Variants in ATP7A observed in about 807,000 individuals in gnomAD.
ATP7A encodes ATPase copper transporting alpha.
ATP7A carries 7 observed loss-of-function variants against 83.5 expected under a neutral mutation model. The ratio of observed to expected loss-of-function variants is 0.08; its 90% CI spans 0.05 to 0.16. The LOEUF is 0.16. Among genes scored for constraint, ATP7A ranks in the 10% least tolerant of loss-of-function variants. The probability of loss-of-function intolerance (pLI) is 1.00; values close to 1 mark genes in which losing one functional copy is unlikely to be tolerated. For missense variants in ATP7A, 940 were observed against 1,120.8 expected (o/e 0.84, Z 2.30); for synonymous variants, 354 against 395.2 (o/e 0.90, Z 1.24).
At chrX:77,980,791 C>T (rs1557230827) in intron 2 of ATP7A, among the ~76,000 whole-genome samples, 2 of 111,466 alleles carry the variant, frequency 1.8e-5, no homozygotes, top group African/African-American at 6.5e-5. Context: ...GCCTCAGCCT[C>T]CTGAGTAGCT....
chrX:77,998,788 C>T, intron 5 of ATP7A, 104 bp downstream of exon 5: 1 of 904,042 alleles, frequency 1.1e-6, no homozygotes, highest in Non-Finnish European at 1.6e-6. Flanking sequence ...TTGGTAAGGC[C>T]TCATAAAGAT....
intron 6 of ATP7A, 98 bp downstream of exon 6, chrX:78,003,334 A>G: frequency 1.2e-6 from 1 of 849,159 alleles, no homozygotes; most frequent in Non-Finnish European, 1.7e-6. Flanking sequence ...TGGGGAAAAT[A>G]TTATGAAAAT....
At chrX:78,032,712 T>G (rs1194386504) in intron 16 of ATP7A, among the ~76,000 whole-genome samples, 1 of 111,750 alleles carries the variant, frequency 8.9e-6, no homozygotes, top group Non-Finnish European at 1.9e-5. Context: ...TTGTCTCACA[T>G]TAATTTTACA....
At chrX:78,027,407 A>T in intron 14 of ATP7A, among the ~76,000 whole-genome samples, 1 of 112,011 alleles carries the variant, frequency 8.9e-6, no homozygotes, top group East Asian at 2.8e-4. Context: ...GAGGTGAAAG[A>T]TCTCTACAGA....
intron 4 of ATP7A, among the ~76,000 whole-genome samples, 198 bp downstream of exon 4, chrX:77,990,156 G>T (rs2149083558): frequency 9.0e-6 from 1 of 111,623 alleles, no homozygotes; most frequent in East Asian, 2.8e-4. Context: ...TTAAAAACTG[G>T]AAACAATAAC....
At chrX:77,992,265 A>G (rs1383065111) in intron 4 of ATP7A, among the ~76,000 whole-genome samples, 2 of 108,725 alleles carry the variant, frequency 1.8e-5, no homozygotes, top group African/African-American at 6.7e-5. Context: ...GGGTTTCACC[A>G]TTTTGGTCAG....
At chrX:78,011,336 AT>A in intron 8 of ATP7A, 84 bp downstream of exon 8, 6 of 1,067,876 alleles carry the variant, frequency 5.6e-6, no homozygotes, top group Non-Finnish European at 7.8e-6. Flanking sequence ...TTATAATATC[AT>A]CCTTATACTG....
rs1557234721 is a variant in ATP7A, at chrX:78,012,879, T to G, written c.2173T>G (p.Phe725Val). The G allele has an allele frequency of 1.7e-6, 2 of 1,207,248 alleles. No individual in the cohort carries two copies. The highest frequency in any genetic ancestry group is 2.2e-6 in the Non-Finnish European group (2 of 891,584). Residue 725 changes from phenylalanine to valine, a missense_variant and splice_region_variant, in exon 10 of 23, where the codon TTT (phenylalanine) becomes GTT (valine). By Grantham distance (50) the Phe-to-Val change is conservative. Coordinates refer to ENST00000341514, the MANE Select transcript of ATP7A (RefSeq NM_000052.7). ...AATGATTATCATTCCTATATTGCAG[T>G]TTTTCGGAGGCTGGTACTTCTACAT... ...LSFLLCVPVQ[F>V]FGGWYFYIQA...
At chrX:77,979,308 A>G (rs2077592816) in intron 2 of ATP7A, among the ~76,000 whole-genome samples, 2 of 111,590 alleles carry the variant, frequency 1.8e-5, no homozygotes, top group Admixed American at 1.9e-4. Flanking sequence ...TCTTTGCCCA[A>G]ACATAATTTA....
At chrX:77,956,780 T>TTTCTTTCC (rs2077446166) in intron 1 of ATP7A, among the ~76,000 whole-genome samples, 1 of 102,806 alleles carries the variant, frequency 9.7e-6, no homozygotes, top group East Asian at 3.0e-4. Flanking sequence ...TCTTTCTTTC[T>TTTCTTTCC]TTCTTTCTCT....
chrX:78,014,747 T>A lies in ATP7A; in HGVS notation c.2492T>A (p.Leu831His), dbSNP rs782451569. 8.4e-7 allele frequency: 1 copy of A among 1,188,603 alleles called. No homozygotes were observed. Among genetic ancestry groups the A allele is most frequent in the Non-Finnish European group, 1.1e-6 (1 of 876,048 alleles). The part of the protein sequence containing the change: ...TIVTLDSDNI[L>H]LSEEQVDVEL... ...GTAACTCTTGATTCTGATAATATCCTCCTCAGGTATTTATCTTCACTCTTC... is the reference window on the plus strand; with the variant it reads ...GTAACTCTTGATTCTGATAATATCCACCTCAGGTATTTATCTTCACTCTTC... Residue 831 changes from leucine to histidine, a missense_variant, in exon 11 of 23, where the codon CTC becomes CAC. By Grantham distance (99) the Leu-to-His change is moderately conservative. Coordinates refer to ENST00000341514, the MANE Select transcript of ATP7A (RefSeq NM_000052.7).
chrX:77,959,453 T>C (rs377412945), intron 1 of ATP7A, among the ~76,000 whole-genome samples: 4 of 111,605 alleles, frequency 3.6e-5, no homozygotes, highest in African/African-American at 9.8e-5. Context: ...CTATAGACAT[T>C]TGGGGCCAGA....
At chrX:77,931,803 G>T (rs1557224368) in intron 1 of ATP7A, among the ~76,000 whole-genome samples, 1 of 100,988 alleles carries the variant, frequency 9.9e-6, no homozygotes, top group African/African-American at 3.7e-5. Context: ...GGACGGGGCG[G>T]CTGGCCGGGC....
rs782447825 is a variant in ATP7A at position 78,009,354 on chromosome X, G to GA, written c.1869+99dup. 20 of 1,002,955 alleles carry GA rather than the reference G, an allele frequency of 2.0e-5. No homozygotes were observed. In the Admixed American group the frequency reaches 2.0e-4, roughly 10 times the overall value. The allele number at this position is 1,002,955 out of a possible 1,213,427, so 82.7% of individuals were successfully genotyped here. On this transcript the variant is annotated intron_variant, in intron 7 of 22. Coordinates refer to ENST00000341514, the MANE Select transcript of ATP7A (RefSeq NM_000052.7). ...CTGGTTTGCATCAGATAGAGGCAAT[G>GA]AAAAAAAATCTAACTCCTTTGAACA... is the stretch of plus-strand genomic sequence containing the variant.
At chrX:77,984,921 A>T (rs1460273246) in intron 2 of ATP7A, among the ~76,000 whole-genome samples, 4 of 112,164 alleles carry the variant, frequency 3.6e-5, no homozygotes, top group African/African-American at 1.3e-4. Flanking sequence ...GGGTACTTTG[A>T]CTTCTCTTTT....
At chrX:77,931,709 AG>A (rs1557224321) in intron 1 of ATP7A, among the ~76,000 whole-genome samples, 1 of 99,548 alleles carries the variant, frequency 1.0e-5, no homozygotes, top group African/African-American at 3.7e-5. Flanking sequence ...ACTTCCCAGT[AG>A]GGGCGGCTGG....
chrX:77,954,453 G>T (rs1202224419), intron 1 of ATP7A, among the ~76,000 whole-genome samples: 7 of 111,881 alleles, frequency 6.3e-5, no homozygotes, highest in Non-Finnish European at 1.3e-4. Flanking sequence ...ACATACACCT[G>T]CCTACTTCAG....
intron 17 of ATP7A, among the ~76,000 whole-genome samples, chrX:78,038,318 T>G (rs1247351624): frequency 3.7e-5 from 4 of 108,444 alleles, no homozygotes; most frequent in Middle Eastern, 4.6e-3. Flanking sequence ...GCAGGAGAAG[T>G]TGGAGATTTG....
At chrX:77,980,699 G>A (rs916283618) in intron 2 of ATP7A, among the ~76,000 whole-genome samples, 6 of 110,115 alleles carry the variant, frequency 5.4e-5, no homozygotes, top group African/African-American at 2.0e-4. Flanking sequence ...ATGGAGTCTC[G>A]CTCTTGTCAC....
Sources: gnomAD v4.1 joint callset for allele counts (sites outside exome capture counted in the v4.1 genomes callset) on GRCh38, gnomAD v4.1.1 for gene constraint, MANE v1.5 for transcripts, NCBI Gene and HGNC (gene_info 2026-07-23, HGNC 2026-07-21) for gene names.